Variants in ADAMTSL1 observed in about 807,000 individuals in gnomAD.
The protein encoded by ADAMTSL1 is ADAMTS-like protein 1.
A neutral mutation model predicts 201.8 loss-of-function variants in ADAMTSL1; 126 were observed. The observed-to-expected ratio is 0.62, with a 90% confidence interval of 0.54 to 0.72. ADAMTSL1 has a LOEUF of 0.72. ADAMTSL1 is among the 30% of genes least tolerant of loss of function. The pLI is 0.00. For missense variants in ADAMTSL1, 2,679 were observed against 2,277.8 expected, an observed-to-expected ratio of 1.18 and a Z score of -3.59; for synonymous variants, 1,121 against 903.4, an observed-to-expected ratio of 1.24 and a Z score of -4.32.
chr9:18,178,917 A>C (rs1828312533), intron 2 of ADAMTSL1, among the ~76,000 whole-genome samples: 1 of 151,854 alleles, frequency 6.6e-6, no homozygotes, highest in South Asian at 2.1e-4. Context: ...TAAAACCACA[A>C]AGATGGGGAA....
chr9:18,688,389 A>G (rs1307224676), intron 13 of ADAMTSL1, among the ~76,000 whole-genome samples: 1 of 151,174 alleles, frequency 6.6e-6, no homozygotes, highest in African/African-American at 2.4e-5. Context: ...CAGCCTCCCA[A>G]AGTGCTGGGA....
intron 1 of ADAMTSL1, among the ~76,000 whole-genome samples, chr9:17,939,296 CTT>C (rs34204258): frequency 0.38 from 56,443 of 149,842 alleles, 11,858 homozygotes; most frequent in East Asian, 0.5. Context: ...TCATTAGAAA[CTT>C]TTTTTTTTTT....
In ADAMTSL1 at chr9:18,721,619, C is replaced by T. The variant is rs1225728630; in HGVS notation, c.1960C>T (p.Pro654Ser). 7 of 1,613,946 alleles carry T rather than the reference C, an allele frequency of 4.3e-6. No individual in the cohort carries two copies. The highest frequency in any genetic ancestry group is 5.9e-6 in the Non-Finnish European group (7 of 1,179,864). ...GAACCTGTGCGTGACCAGCCGCCGG[C>T]CCCCACAGCTCCTGAAGTCCTGCAA... is the stretch of plus-strand genomic sequence containing the variant. ...EENLCVTSRR[P>S]PQLLKSCNLD... Residue 654 changes from proline (P) to serine (S), a missense_variant, in exon 15 of 29, where the codon CCC becomes TCC. Coordinates refer to ENST00000380548, the MANE Select transcript of ADAMTSL1 (RefSeq NM_001040272.6).
intron 2 of ADAMTSL1, among the ~76,000 whole-genome samples, chr9:18,376,690 C>G: frequency 6.6e-6 from 1 of 152,072 alleles, no homozygotes; most frequent in Non-Finnish European, 1.5e-5. Context: ...CCTGTAATCC[C>G]AACTACCTGG....
intron 7 of ADAMTSL1, among the ~76,000 whole-genome samples, chr9:18,645,394 T>G (rs971438933): frequency 6.6e-6 from 1 of 152,100 alleles, no homozygotes; most frequent in East Asian, 1.9e-4. Context: ...TTAGTTTAAT[T>G]AGATCCCATT....
chr9:17,909,173 T>A (rs199814951), intron 1 of ADAMTSL1, among the ~76,000 whole-genome samples: 1 of 146,396 alleles, frequency 6.8e-6, no homozygotes, highest in African/African-American at 2.5e-5. Context: ...GGGTTGTTTG[T>A]TTTTTTCTTG....
At chr9:18,857,985 A>G (rs554945429) in intron 23 of ADAMTSL1, among the ~76,000 whole-genome samples, 1 of 152,300 alleles carries the variant, frequency 6.6e-6, no homozygotes, top group African/African-American at 2.4e-5. Context: ...GTATTTAGAC[A>G]CCAAGATTTC....
chr9:18,358,518 G>A (rs983817773), intron 2 of ADAMTSL1, among the ~76,000 whole-genome samples: 2 of 152,082 alleles, frequency 1.3e-5, no homozygotes, highest in African/African-American at 4.8e-5. Context: ...TTAAGCAGCA[G>A]TCACTCTCAA....
At chr9:18,158,505 A>C (rs1020164103) in intron 1 of ADAMTSL1, among the ~76,000 whole-genome samples, 3 of 151,928 alleles carry the variant, frequency 2.0e-5, no homozygotes, top group African/African-American at 7.2e-5. Context: ...GCTCATTAGA[A>C]TAGTCCTACC....
At chr9:17,933,633 T>G (rs904902190) in intron 1 of ADAMTSL1, among the ~76,000 whole-genome samples, 1 of 152,124 alleles carries the variant, frequency 6.6e-6, no homozygotes, top group African/African-American at 2.4e-5. Context: ...GAAGCATGGC[T>G]GGGGAGGCCT....
chr9:18,283,083 T>G (rs1011550359), intron 2 of ADAMTSL1, among the ~76,000 whole-genome samples: 1 of 152,222 alleles, frequency 6.6e-6, no homozygotes, highest in Non-Finnish European at 1.5e-5. Flanking sequence ...GTGTCTATTT[T>G]CTTTTCAATC....
chr9:18,328,983 C>A (rs959785629), intron 2 of ADAMTSL1, among the ~76,000 whole-genome samples: 2 of 152,110 alleles, frequency 1.3e-5, no homozygotes, highest in African/African-American at 4.8e-5. Context: ...AACAACCCCC[C>A]ACCCTTTGCT....
intron 3 of ADAMTSL1, among the ~76,000 whole-genome samples, chr9:18,549,289 C>G (rs974787279): frequency 6.6e-6 from 1 of 151,896 alleles, no homozygotes; most frequent in Admixed American, 6.6e-5. Flanking sequence ...ACTTCTCAGT[C>G]ATAATGGAGT....
rs538694427 is a variant in ADAMTSL1 at position 18,541,543 on chromosome 9, G to C, written c.237+8251G>C. 2.6e-5 allele frequency among the ~76,000 whole-genome samples: 4 copies of C among 151,906 alleles called. 1 individual carries two copies. The highest frequency in any genetic ancestry group is 2.6e-4 in the Admixed American group (4 of 15,240). Reference sequence around the variant, plus strand: ...AAAAAAAAAAATTTATGGGTGGGAGGAGTGTGGAGAGTAATTTAAAGGATC... The same window carrying C: ...AAAAAAAAAAATTTATGGGTGGGAGCAGTGTGGAGAGTAATTTAAAGGATC... On this transcript the variant is annotated intron_variant, in intron 3 of 28. Transcript: ENST00000380548.
chr9:18,012,260 C>T (rs1302605032), intron 1 of ADAMTSL1, among the ~76,000 whole-genome samples: 3 of 152,004 alleles, frequency 2.0e-5, no homozygotes, highest in Non-Finnish European at 4.4e-5. Context: ...CCACATCTGA[C>T]CACCAACTCA....
At chr9:18,739,646 A>T (rs1818706789) in intron 15 of ADAMTSL1, among the ~76,000 whole-genome samples, 1 of 152,204 alleles carries the variant, frequency 6.6e-6, no homozygotes, top group African/African-American at 2.4e-5. Flanking sequence ...TTGAAAAATC[A>T]GTTTAGGTCA....
At position 18,412,586 on chromosome 9, in the gene ADAMTSL1, T is replaced by C. The variant is rs12235663; in HGVS notation, c.208-92243T>C. 6.6e-3 allele frequency among the ~76,000 whole-genome samples: 1,009 copies of C among 152,322 alleles called. 14 individuals carry two copies. The highest frequency in any genetic ancestry group is 0.023 in the African/African-American group (954 of 41,572). On this transcript the variant is annotated intron_variant, in intron 2 of 29. Transcript: ENST00000680146. Reference sequence around the variant, plus strand: ...ACTTTCAGACTATGTATTTTTGTCCTAACAACCACCAGTGATGATCTATGA... The same window carrying C: ...ACTTTCAGACTATGTATTTTTGTCCCAACAACCACCAGTGATGATCTATGA...
At chr9:18,216,899 A>ACCAG (rs1214899514) in intron 2 of ADAMTSL1, among the ~76,000 whole-genome samples, 2 of 152,000 alleles carry the variant, frequency 1.3e-5, no homozygotes, top group Non-Finnish European at 2.9e-5. Context: ...TTTACCCCTT[A>ACCAG]CCAGCTGTGT....
chr9:18,249,209 G>T (rs1188473061), intron 2 of ADAMTSL1, among the ~76,000 whole-genome samples: 1 of 152,162 alleles, frequency 6.6e-6, no homozygotes, highest in African/African-American at 2.4e-5. Flanking sequence ...GTAAAAAATA[G>T]AAATGATGGA....
Sources: gnomAD v4.1 joint callset for allele counts (sites outside exome capture counted in the v4.1 genomes callset) on GRCh38, gnomAD v4.1.1 for gene constraint, MANE v1.5 for transcripts, NCBI Gene and HGNC (gene_info 2026-07-23, HGNC 2026-07-21) for gene names.